SEMA5A: variants seen among roughly 807,000 people sequenced by gnomAD.
SEMA5A encodes the protein semaphorin-5A.
Under a neutral mutation model 135.5 loss-of-function variants are expected in SEMA5A, and 55 were observed. The observed-to-expected ratio is 0.41, with a 90% CI of 0.33 to 0.51. The LOEUF (loss-of-function observed/expected upper bound fraction) is 0.51. Ranked by LOEUF, SEMA5A falls within the 20% of genes least tolerant of loss-of-function variation. The pLI, the probability that SEMA5A is intolerant of heterozygous loss-of-function variation, is 0.37. For synonymous variants in SEMA5A, 580 were observed against 546.5 expected (o/e 1.06, Z -0.85); for missense variants, 1,290 against 1,419.9 (o/e 0.91, Z 1.47).
intron 12 of SEMA5A, among the ~76,000 whole-genome samples, chr5:9,145,733 G>T (rs1191835367): frequency 6.7e-6 from 1 of 148,340 alleles, no homozygotes; most frequent in Non-Finnish European, 1.5e-5. Context: ...CCACCTCCCT[G>T]GTTCAAGCAA....
chr5:9,177,572 T>C (rs1377950665), intron 11 of SEMA5A, among the ~76,000 whole-genome samples: 1 of 152,250 alleles, frequency 6.6e-6, no homozygotes, highest in Admixed American at 6.5e-5. Flanking sequence ...GAAGATTGAC[T>C]TGTTCATCTT....
chr5:9,147,590 T>C (rs1742407432), intron 12 of SEMA5A, among the ~76,000 whole-genome samples: 1 of 152,132 alleles, frequency 6.6e-6, no homozygotes, highest in Admixed American at 6.6e-5. Flanking sequence ...TTCTTAATGG[T>C]CCATCTTTCC....
intron 3 of SEMA5A, chr5:9,363,187 A>G (rs1297029886): frequency 1.3e-5 from 2 of 152,220 alleles, no homozygotes; most frequent in Non-Finnish European, 2.9e-5. Flanking sequence ...TATAAAAGGC[A>G]TAAGTCTTTC....
At chr5:9,046,206 G>A (rs1036286896) in intron 21 of SEMA5A, among the ~76,000 whole-genome samples, 6 of 152,202 alleles carry the variant, frequency 3.9e-5, no homozygotes, top group African/African-American at 1.2e-4. Context: ...CACCACCAGG[G>A]TGAGGGGCAG....
intron 5 of SEMA5A, among the ~76,000 whole-genome samples, chr5:9,271,465 G>A (rs1561093040): frequency 6.6e-6 from 1 of 152,150 alleles, no homozygotes; most frequent in Admixed American, 6.5e-5. Context: ...ACAGTTAGGG[G>A]CTAGAACAGT....
chr5:9,404,544 T>C (rs1236922620), intron 2 of SEMA5A, among the ~76,000 whole-genome samples: 1 of 152,212 alleles, frequency 6.6e-6, no homozygotes, highest in African/African-American at 2.4e-5. Context: ...TATAAACTTG[T>C]TAACACAGCT....
intron 1 of SEMA5A, chr5:9,498,275 C>T (rs920703217): frequency 2.0e-5 from 3 of 152,080 alleles, no homozygotes; most frequent in Admixed American, 6.6e-5. Context: ...CCAGGCACCA[C>T]ATTTATGATA....
At chr5:9,418,286 T>G (rs1416237255) in intron 2 of SEMA5A, among the ~76,000 whole-genome samples, 1 of 152,140 alleles carries the variant, frequency 6.6e-6, no homozygotes, top group East Asian at 1.9e-4. Flanking sequence ...CAGTGTCTCT[T>G]CTTATAAAAG....
chr5:9,544,010 C>T (rs1164422859), intron 1 of SEMA5A, among the ~76,000 whole-genome samples: 1 of 152,112 alleles, frequency 6.6e-6, no homozygotes, highest in African/African-American at 2.4e-5. Context: ...ACATTACACT[C>T]TCTAAAATAA....
rs1254808437 is a variant in SEMA5A, at chr5:9,037,194, C to G, written c.*5703G>C. The G allele has an allele frequency of 6.6e-6, 1 of 152,138 alleles. No individual in the cohort carries two copies. The highest frequency in any genetic ancestry group is 1.5e-5 in the Non-Finnish European group (1 of 68,022). The allele number at this position is 152,138 out of a possible 1,614,324, so 9.4% of individuals were successfully genotyped here. A position where few individuals can be genotyped will look rare whatever the true frequency, so the allele number is the denominator to read the frequency against. On this transcript the variant is annotated 3_prime_UTR_variant, in exon 23 of 23. Transcript: ENST00000382496. ...TCCTCTTTCCAGATCTGAAAGTGCC[C>G]TTGACTAGTTCCTGCCATTGCGCCA...
At chr5:9,221,306 T>C (rs998121701) in intron 8 of SEMA5A, among the ~76,000 whole-genome samples, 15 of 146,242 alleles carry the variant, frequency 1.0e-4, no homozygotes, top group Non-Finnish European at 2.0e-4. Context: ...TTTCTTTTTT[T>C]TTTTTTTTTT....
chr5:9,165,627 C>A (rs1267513993), intron 11 of SEMA5A, among the ~76,000 whole-genome samples: 1 of 152,180 alleles, frequency 6.6e-6, no homozygotes, highest in Non-Finnish European at 1.5e-5. Flanking sequence ...CTATTTGATT[C>A]TCTGCCGCTA....
In SEMA5A at chr5:9,410,064, T is replaced by G. The variant is rs184375518; in HGVS notation, c.-78+27692A>C. Among the ~76,000 whole-genome samples the G allele has an allele frequency of 1.5e-3, 229 of 152,318 alleles. 1 individual carries two copies. Among genetic ancestry groups the G allele is most frequent in the African/African-American group, 5.2e-3 (217 of 41,572 alleles). On this transcript the variant is annotated intron_variant, in intron 2 of 22. Transcript: ENST00000382496. ...TTTAGCTTCTGTTTTACCATGAGAATTTCTTTTTTTAGAGACAATTAAAAG... is the reference window on the plus strand; with the variant it reads ...TTTAGCTTCTGTTTTACCATGAGAAGTTCTTTTTTTAGAGACAATTAAAAG...
chr5:9,525,389 A>T (rs143685836), intron 1 of SEMA5A, among the ~76,000 whole-genome samples: 253 of 152,366 alleles, frequency 1.7e-3, no homozygotes, highest in African/African-American at 5.7e-3. Flanking sequence ...ATGTAAAAGG[A>T]ATCCTTACTA....
chr5:9,449,584 GA>G (rs976123572), intron 1 of SEMA5A, among the ~76,000 whole-genome samples: 246 of 141,850 alleles, frequency 1.7e-3, no homozygotes, highest in African/African-American at 4.6e-3. Context: ...AAAGTTGAAG[GA>G]AAAAAAAAAA....
chr5:9,499,551 C>T (rs1444796101), intron 1 of SEMA5A, among the ~76,000 whole-genome samples: 5 of 152,202 alleles, frequency 3.3e-5, no homozygotes, highest in Non-Finnish European at 7.4e-5. Context: ...GTAACATTAT[C>T]AGTCAATACC....
At chr5:9,432,602 G>A (rs953540170) in intron 2 of SEMA5A, among the ~76,000 whole-genome samples, 14 of 152,128 alleles carry the variant, frequency 9.2e-5, no homozygotes, top group African/African-American at 2.9e-4. Flanking sequence ...CTCTTGGTCC[G>A]ATCTGTCCAC....
chr5:9,387,907 C>T (rs571057652), intron 2 of SEMA5A, among the ~76,000 whole-genome samples: 3 of 151,880 alleles, frequency 2.0e-5, no homozygotes, highest in African/African-American at 7.3e-5. Flanking sequence ...TTATAGTGCA[C>T]TTTTAAAGAA....
chr5:9,154,063 ATATATATATATAT>A (rs1309118980), intron 12 of SEMA5A, among the ~76,000 whole-genome samples: 1 of 75,522 alleles, frequency 1.3e-5, no homozygotes, highest in African/African-American at 5.0e-5. Flanking sequence ...AAAAAAAAAA[ATATATATATATAT>A]ATATATATAT....
Sources: allele counts gnomAD v4.1 joint callset (sites outside exome capture counted in the v4.1 genomes callset), GRCh38; gene constraint gnomAD v4.1.1; transcripts MANE v1.5; gene names NCBI Gene and HGNC (gene_info 2026-07-23, HGNC 2026-07-21).